Variants in SORCS1 observed in about 807,000 individuals in gnomAD.
SORCS1 encodes sortilin related VPS10 domain containing receptor 1, also known as VPS10 domain-containing receptor SorCS1.
In SORCS1, 60 loss-of-function variants were observed where a neutral mutation model predicts 146.1. The ratio of observed to expected loss-of-function variants is 0.41; its 90% confidence interval spans 0.33 to 0.51. The LOEUF is 0.51. SORCS1 is among the 20% of genes least tolerant of loss of function. The probability of loss-of-function intolerance (pLI) is 0.21; values close to 1 mark genes in which losing one functional copy is unlikely to be tolerated. For missense variants in SORCS1, 1,352 were observed against 1,487.6 expected (o/e 0.91, Z 1.50); for synonymous variants, 637 against 584.0 (o/e 1.09, Z -1.31).
At chr10:106,678,125 T>A (rs143869457) in intron 12 of SORCS1, among the ~76,000 whole-genome samples, 1 of 152,346 alleles carries the variant, frequency 6.6e-6, no homozygotes, top group African/African-American at 2.4e-5. Context: ...AGATTATTAG[T>A]GTAGCCTTGC....
At chr10:107,053,490 T>C (rs1188472150) in intron 1 of SORCS1, among the ~76,000 whole-genome samples, 1 of 152,168 alleles carries the variant, frequency 6.6e-6, no homozygotes, top group East Asian at 1.9e-4. Context: ...ATATTTATTC[T>C]TTACCAGTTG....
intron 1 of SORCS1, among the ~76,000 whole-genome samples, chr10:107,048,712 G>GT (rs1959767883): frequency 6.6e-6 from 1 of 152,080 alleles, no homozygotes; most frequent in Non-Finnish European, 1.5e-5. Context: ...CATTCACATC[G>GT]TAGGTGACAC....
intron 3 of SORCS1, among the ~76,000 whole-genome samples, chr10:106,796,911 C>CA: frequency 6.6e-6 from 1 of 152,160 alleles, no homozygotes. Context: ...AGATTGAGAC[C>CA]ATCCTGCCAA....
At chr10:107,138,761 T>C (rs1229353708) in intron 1 of SORCS1, among the ~76,000 whole-genome samples, 1 of 152,140 alleles carries the variant, frequency 6.6e-6, no homozygotes, top group East Asian at 1.9e-4. Context: ...TAACATATTT[T>C]GAGGAAAAAA....
upstream of SORCS1, among the ~76,000 whole-genome samples, chr10:107,167,014 T>A (rs1970065392): frequency 6.6e-6 from 1 of 152,240 alleles, no homozygotes; most frequent in Non-Finnish European, 1.5e-5. Flanking sequence ...CCTGTCAGAA[T>A]GATCCCTTTA....
intron 3 of SORCS1, among the ~76,000 whole-genome samples, chr10:106,822,941 C>A (rs535490462): frequency 1.4e-5 from 2 of 140,948 alleles, no homozygotes; most frequent in East Asian, 2.0e-4. Context: ...CCACCGCACC[C>A]GGCTAATTTT....
At chr10:106,662,573 A>C (rs1850814793) in intron 17 of SORCS1, among the ~76,000 whole-genome samples, 1 of 152,176 alleles carries the variant, frequency 6.6e-6, no homozygotes, top group East Asian at 1.9e-4. Context: ...AGGCTAATAC[A>C]GATTCTGCAC....
Position 107,038,572 on chromosome 10 carries a change from T to C in SORCS1, c.559-81992A>G, listed in dbSNP as rs562645062. Among the ~76,000 whole-genome samples the C allele has an allele frequency of 3.9e-5, 6 of 152,288 alleles. No homozygotes were observed. In the East Asian group the frequency reaches 1.2e-3, roughly 29 times the overall value. On this transcript the variant is annotated intron_variant, in intron 1 of 25. Coordinates refer to ENST00000263054, the MANE Select transcript of SORCS1 (RefSeq NM_052918.5). ...AAAAATCAGAGGTGACTTCCAGCTC[T>C]GAATCGGCTGCCTAGTAACTATGTG...
At chr10:106,631,063 T>G (rs1848412445) in intron 18 of SORCS1, among the ~76,000 whole-genome samples, 1 of 152,194 alleles carries the variant, frequency 6.6e-6, no homozygotes, top group African/African-American at 2.4e-5. Context: ...GTTCATATGG[T>G]ATCATATTTT....
At position 106,747,422 on chromosome 10, in the gene SORCS1, A is replaced by T. The variant is rs186229698; in HGVS notation, c.959+14166T>A. Among the ~76,000 whole-genome samples the T allele has an allele frequency of 1.8e-3, 278 of 152,300 alleles. 2 individuals are homozygous for T. Among genetic ancestry groups the T allele is most frequent in the African/African-American group, 6.4e-3 (266 of 41,564 alleles). ...CCTGCAAGTCATAGGGGGTCAGATG[A>T]GATGTCTTCTAAGTTATCTTTGATC... On this transcript the variant is annotated intron_variant, in intron 5 of 25. Transcript: ENST00000263054.
At chr10:106,606,402 C>G (rs1041709743) in intron 23 of SORCS1, among the ~76,000 whole-genome samples, 1 of 151,954 alleles carries the variant, frequency 6.6e-6, no homozygotes, top group African/African-American at 2.4e-5. Context: ...GCTAATGTTA[C>G]TCATTACAAA....
At chr10:106,907,566 A>G (rs1406902708) in intron 2 of SORCS1, among the ~76,000 whole-genome samples, 1 of 152,164 alleles carries the variant, frequency 6.6e-6, no homozygotes, top group Non-Finnish European at 1.5e-5. Context: ...TTACTCTGAT[A>G]ATCAGCAAAT....
At position 106,938,563 on chromosome 10, in the gene SORCS1, C is replaced by T. The variant is rs1464325383; in HGVS notation, c.626+17950G>A. Among the ~76,000 whole-genome samples the T allele has an allele frequency of 2.0e-5, 3 of 152,238 alleles. No homozygotes were observed. The East Asian group carries it at 5.8e-4, about 29-fold the overall frequency. On this transcript the variant is annotated intron_variant, in intron 2 of 25. Transcript: ENST00000263054. ...CTGCAGTCCAGACAGTAGCTGATCT[C>T]ACACTATTCCTTCCTCCTTCCCACA...
chr10:106,581,888 A>G (rs538040015), intron 24 of SORCS1, among the ~76,000 whole-genome samples: 1 of 152,334 alleles, frequency 6.6e-6, no homozygotes, highest in South Asian at 2.1e-4. Flanking sequence ...TCAGGGAACA[A>G]TGGAGGCTCG....
chr10:106,630,874 G>A (rs1457932322), intron 18 of SORCS1, among the ~76,000 whole-genome samples: 5 of 151,454 alleles, frequency 3.3e-5, no homozygotes, highest in African/African-American at 9.7e-5. Context: ...ATGGCCTTTG[G>A]AACAACAGTT....
intron 2 of SORCS1, among the ~76,000 whole-genome samples, chr10:106,949,963 A>G (rs571110209): frequency 6.6e-6 from 1 of 152,336 alleles, no homozygotes; most frequent in Admixed American, 6.5e-5. Flanking sequence ...AAAAAGATGA[A>G]TATATTTCTT....
chr10:106,626,129 TTTTCTGC>T (rs1270420123), intron 19 of SORCS1, among the ~76,000 whole-genome samples: 9 of 152,080 alleles, frequency 5.9e-5, no homozygotes, highest in Admixed American at 5.9e-4. Flanking sequence ...ATCAAATCAC[TTTTCTGC>T]ACTGGAGAGT....
intron 1 of SORCS1, among the ~76,000 whole-genome samples, chr10:107,117,320 C>T (rs1966102204): frequency 6.6e-6 from 1 of 152,198 alleles, no homozygotes; most frequent in South Asian, 2.1e-4. Flanking sequence ...AGGTATATAT[C>T]TGAGAACAGA....
chr10:106,970,375 GTCTCC>G (rs1296578408), intron 1 of SORCS1, among the ~76,000 whole-genome samples: 1 of 86,546 alleles, frequency 1.2e-5, no homozygotes, highest in African/African-American at 6.0e-5. Flanking sequence ...TTTCACTCTT[GTCTCC>G]CAGGCTGGAG....
Sources: gnomAD v4.1 joint callset for allele counts (sites outside exome capture counted in the v4.1 genomes callset) on GRCh38, gnomAD v4.1.1 for gene constraint, MANE v1.5 for transcripts, NCBI Gene and HGNC (gene_info 2026-07-23, HGNC 2026-07-21) for gene names.